The following PCDHA6 variants were observed in gnomAD, a reference collection of about 807,000 sequenced individuals.
PCDHA6 encodes the protein protocadherin alpha 6.
A neutral mutation model predicts 60.3 loss-of-function variants in PCDHA6; 55 were observed. That is an observed-to-expected ratio of 0.91 (90% confidence interval 0.73 to 1.14). PCDHA6 has a LOEUF of 1.14. Among genes scored for constraint, PCDHA6 ranks in the 50% most tolerant of loss-of-function variants. The pLI, the probability that PCDHA6 is intolerant of heterozygous loss-of-function variation, is 0.00. For missense variants in PCDHA6, 1,327 were observed against 1,256.5 expected (o/e 1.06, Z -0.85); for synonymous variants, 652 against 557.9 (o/e 1.17, Z -2.38).
Position 140,882,752 on chromosome 5 carries a change from A to G in PCDHA6, c.2394+52267A>G, listed in dbSNP as rs1457424583. 4 of 1,614,130 alleles carry G rather than the reference A, an allele frequency of 2.5e-6. No individual in the cohort carries two copies. In the East Asian group the frequency reaches 8.9e-5, roughly 36 times the overall value. On this transcript the variant is annotated intron_variant, in intron 1 of 3. Coordinates refer to ENST00000529310, the MANE Select transcript of PCDHA6 (RefSeq NM_018909.4). Reference sequence around the variant, plus strand: ...ACTAGATGGCGCATCCGATGCAGATATTGGAGTAAACTCGGCATTGACCTA... The same window carrying G: ...ACTAGATGGCGCATCCGATGCAGATGTTGGAGTAAACTCGGCATTGACCTA...
chr5:140,947,668 T>A (rs2094160892), intron 1 of PCDHA6, among the ~76,000 whole-genome samples: 1 of 151,602 alleles, frequency 6.6e-6, no homozygotes, highest in Admixed American at 6.6e-5. Flanking sequence ...TACTTGGGTC[T>A]TTAAAAAATT....
intron 1 of PCDHA6, among the ~76,000 whole-genome samples, chr5:140,885,980 C>T (rs888571995): frequency 6.6e-6 from 1 of 151,942 alleles, no homozygotes; most frequent in African/African-American, 2.4e-5. Flanking sequence ...ATTATAGATT[C>T]GCATGTGGTT....
chr5:140,884,731 C>T (rs2060333216), intron 1 of PCDHA6: 2 of 1,449,296 alleles, frequency 1.4e-6, no homozygotes, highest in East Asian at 4.9e-5. Flanking sequence ...TTGTTTAAGA[C>T]ATCTTTCCTG....
chr5:140,847,830 A>G lies in PCDHA6; in HGVS notation c.2394+17345A>G, dbSNP rs137920365. The G allele has an allele frequency of 3.3e-5, 5 of 149,914 alleles. No homozygotes were observed. In the East Asian group the frequency reaches 7.7e-4, roughly 23 times the overall value. The allele number at this position is 149,914 out of a possible 1,614,324, so 9.3% of individuals were successfully genotyped here. ...ATTCATAGAATTACTCAAGAAAACT[A>G]CCTCAGTTGGTTGCTACTTTTTGTT... On this transcript the variant is annotated intron_variant, in intron 1 of 3. Transcript: ENST00000529310.
intron 3 of PCDHA6, among the ~76,000 whole-genome samples, chr5:140,986,748 A>G (rs2097211627): frequency 6.6e-6 from 1 of 152,220 alleles, no homozygotes; most frequent in Non-Finnish European, 1.5e-5. Flanking sequence ...GGGATCTGGG[A>G]CTAAACAGTG....
intron 1 of PCDHA6, among the ~76,000 whole-genome samples, chr5:140,844,879 A>T (rs1779591756): frequency 6.7e-6 from 1 of 149,298 alleles, no homozygotes; most frequent in Non-Finnish European, 1.5e-5. Flanking sequence ...TACCCATTAG[A>T]CTTCGTGCAT....
At chr5:140,895,143 A>T (rs115893558) in intron 1 of PCDHA6, among the ~76,000 whole-genome samples, 1 of 152,158 alleles carries the variant, frequency 6.6e-6, no homozygotes, top group African/African-American at 2.4e-5. Flanking sequence ...CATAGGGCTA[A>T]GACAGGTTTA....
In PCDHA6 at chr5:140,828,382, G is replaced by A. The variant is rs1769726529; in HGVS notation, c.291G>A (p.Gly97=). ...NSRIDREELC[G]RSAECSIHLE... is the part of the protein sequence containing the mutation. ...GGATCGACCGCGAGGAGCTGTGCGG[G>A]CGGAGCGCGGAGTGCAGCATCCACC... The change falls in exon 1 of 4, where the codon GGG becomes GGA. Residue 97 remains glycine (G), a synonymous_variant. Coordinates refer to ENST00000529310, the MANE Select transcript of PCDHA6 (RefSeq NM_018909.4). The A allele has an allele frequency of 6.2e-7, 1 of 1,614,172 alleles. No individual in the cohort carries two copies. The highest frequency in any genetic ancestry group is 1.3e-5 in the African/African-American group (1 of 74,958).
chr5:140,858,376 A>ACATC, intron 1 of PCDHA6: 1 of 1,587,998 alleles, frequency 6.3e-7, no homozygotes, highest in Non-Finnish European at 8.6e-7. Flanking sequence ...GCCTTCCACC[A>ACATC]TGCCCAATGG....
intron 1 of PCDHA6, among the ~76,000 whole-genome samples, chr5:140,941,202 C>CCTTCCTTTCTTTCTTT (rs1554213920): frequency 7.0e-4 from 86 of 122,822 alleles, no homozygotes; most frequent in Admixed American, 2.1e-3. Context: ...TTTCTTTCTT[C>CCTTCCTTTCTTTCTTT]CTTTCTTTCT....
chr5:140,897,790 T>C (rs1219376194), intron 1 of PCDHA6, among the ~76,000 whole-genome samples: 378 of 152,274 alleles, frequency 2.5e-3, no homozygotes, highest in African/African-American at 8.4e-3. Flanking sequence ...GTTGAACTAG[T>C]TTAGAGTCCC....
chr5:140,938,268 T>C (rs2091998417), intron 1 of PCDHA6, among the ~76,000 whole-genome samples: 1 of 152,190 alleles, frequency 6.6e-6, no homozygotes, highest in Non-Finnish European at 1.5e-5. Context: ...TCTAATCACA[T>C]AGTTTTCTTG....
chr5:140,928,297 G>A, intron 1 of PCDHA6: 1 of 1,614,112 alleles, frequency 6.2e-7, no homozygotes, highest in Non-Finnish European at 8.5e-7. Flanking sequence ...CCGAGTGTTT[G>A]CCCAGGACCC....
chr5:140,891,933 C>T (rs1554185011), intron 1 of PCDHA6, among the ~76,000 whole-genome samples: 1 of 152,220 alleles, frequency 6.6e-6, no homozygotes, highest in African/African-American at 2.4e-5. Flanking sequence ...TGATCTTGGA[C>T]TTCCCCTAGG....
intron 1 of PCDHA6, among the ~76,000 whole-genome samples, chr5:140,854,845 T>C (rs1554147464): frequency 6.7e-6 from 1 of 149,904 alleles, no homozygotes; most frequent in Non-Finnish European, 1.5e-5. Flanking sequence ...CTGACATTGA[T>C]AAAATTACTA....
At position 140,927,327 on chromosome 5, in the gene PCDHA6, C is replaced by T. The variant is rs781793681; in HGVS notation, c.2395-51622C>T. On this transcript the variant is annotated intron_variant, in intron 1 of 3. Coordinates refer to ENST00000529310, the MANE Select transcript of PCDHA6 (RefSeq NM_018909.4). ...TGACGCCCGGAGCCCGCTTTACTCT[C>T]CCGAATGCCCAAGATGACGACGAGG... 8.5e-5 allele frequency: 137 copies of T among 1,614,206 alleles called. No individual in the cohort carries two copies. In the Middle Eastern group the frequency reaches 3.6e-3, roughly 43 times the overall value.
chr5:140,929,179 G>T (rs782673786), intron 1 of PCDHA6: 5 of 1,614,104 alleles, frequency 3.1e-6, no homozygotes, highest in Non-Finnish European at 4.2e-6. Context: ...TCTGGGACTT[G>T]GTTCTGATAA....
chr5:140,870,017 G>T, intron 1 of PCDHA6: 1 of 1,613,620 alleles, frequency 6.2e-7, no homozygotes, highest in Non-Finnish European at 8.5e-7. Flanking sequence ...AGGGTCAATG[G>T]AACTTTAGAT....
intron 1 of PCDHA6, chr5:140,875,435 A>G (rs1562696598): frequency 6.4e-7 from 1 of 1,563,788 alleles, no homozygotes; most frequent in East Asian, 2.3e-5. Context: ...GATCCCTTAA[A>G]ACTGATTGTC....
Sources: gnomAD v4.1 joint callset for allele counts (sites outside exome capture counted in the v4.1 genomes callset) on GRCh38, gnomAD v4.1.1 for gene constraint, MANE v1.5 for transcripts, NCBI Gene and HGNC (gene_info 2026-07-23, HGNC 2026-07-21) for gene names.